The following ADGRG4 variants were observed in gnomAD, a reference collection of about 807,000 sequenced individuals.
The protein encoded by ADGRG4 is G protein-coupled receptor 112.
Under a neutral mutation model 126.2 loss-of-function variants are expected in ADGRG4, and 122 were observed. The observed-to-expected ratio is 0.97, with a 90% CI of 0.83 to 1.12. The LOEUF (loss-of-function observed/expected upper bound fraction) is 1.12, where lower values mean the gene tolerates loss of function less well. Ranked by LOEUF, ADGRG4 falls within the 50% of genes most tolerant of loss-of-function variation. The pLI is 0.00. For synonymous variants in ADGRG4, 943 were observed against 838.7 expected (o/e 1.12, Z -2.15); for missense variants, 2,481 against 2,251.8 (o/e 1.10, Z -2.06).
rs185039030 is a variant in ADGRG4, at chrX:136,367,501, T to C, written c.7397-3827T>C. On this transcript the variant is annotated intron_variant, in intron 13 of 25. Transcript: ENST00000394143. ...TGTGCAAGAAAAAGTTAATAAACAG[T>C]CATAACAACAACAAAAACACTGCAC... Among the ~76,000 whole-genome samples the C allele has an allele frequency of 9.7e-3, 1,091 of 112,162 alleles. 7 individuals are homozygous for C. Among genetic ancestry groups the C allele is most frequent in the Middle Eastern group, 0.023 (5 of 215 alleles).
chrX:136,366,757 G>A (rs2075161023), intron 13 of ADGRG4, among the ~76,000 whole-genome samples: 1 of 111,965 alleles, frequency 8.9e-6, no homozygotes, highest in African/African-American at 3.2e-5. Context: ...TCTCATTGTT[G>A]TTTTAATTTG....
chrX:136,392,258 C>T lies in ADGRG4; in HGVS notation c.7938C>T (p.Thr2646=), dbSNP rs144800387. 1,768 of 1,160,529 alleles carry T rather than the reference C, an allele frequency of 1.5e-3. 5 individuals carry two copies. The highest frequency in any genetic ancestry group is 3.7e-3 in the East Asian group (118 of 32,034). Residue 2646 remains threonine (T), a synonymous_variant, in exon 17 of 26, where the codon ACC becomes ACT. Coordinates refer to ENST00000394143, the MANE Select transcript of ADGRG4 (RefSeq NM_153834.4). ...FKTKNVTKAL[T]TYVVSASISD... ...CCAAAAATGTCACTAAAGCATTAACCACCTATGTTGTGAGTGCCAGCATTT... is the reference window on the plus strand; with the variant it reads ...CCAAAAATGTCACTAAAGCATTAACTACCTATGTTGTGAGTGCCAGCATTT...
At chrX:136,394,388 C>T (rs1054693852) in intron 18 of ADGRG4, among the ~76,000 whole-genome samples, 1 of 112,117 alleles carries the variant, frequency 8.9e-6, no homozygotes, top group Non-Finnish European at 1.9e-5. Flanking sequence ...AGTGAGGAGT[C>T]CTTCTGCCTG....
intron 4 of ADGRG4, among the ~76,000 whole-genome samples, chrX:136,320,593 C>T (rs769924042): frequency 9.0e-6 from 1 of 111,724 alleles, no homozygotes; most frequent in South Asian, 3.8e-4. Context: ...ATTGCTTTTT[C>T]CCATCTTTTG....
Position 136,348,973 on chromosome X carries a change from CAGATA to C in ADGRG4, c.5268_5272del (p.Asp1757SerfsTer15). The C allele has an allele frequency of 8.3e-7, 1 of 1,209,093 alleles. No individual in the cohort carries two copies. Among genetic ancestry groups the C allele is most frequent in the Non-Finnish European group, 1.1e-6 (1 of 893,482 alleles). On this transcript the variant is annotated frameshift_variant, in exon 6 of 26. Transcript: ENST00000394143. LOFTEE classifies it high-confidence loss of function. ...GAAAATATGCTTTCACCTACTCATGCAGATAGTCTCCATACTTCCTTCAATATTCA... is the reference window on the plus strand; with the variant it reads ...GAAAATATGCTTTCACCTACTCATGCGTCTCCATACTTCCTTCAATATTCA...
rs1364617864 is a variant in ADGRG4, at chrX:136,401,771, G to C, written c.8576-1473G>C. On this transcript the variant is annotated intron_variant, in intron 21 of 25. Coordinates refer to ENST00000394143, the MANE Select transcript of ADGRG4 (RefSeq NM_153834.4). ...TGAGGAGCTAGTTTTGAATGGAAGTGATACTGTTTCCTATTCTGCAGCCCT... is the reference window on the plus strand; with the variant it reads ...TGAGGAGCTAGTTTTGAATGGAAGTCATACTGTTTCCTATTCTGCAGCCCT... Among the ~76,000 whole-genome samples the C allele has an allele frequency of 4.5e-5, 5 of 112,142 alleles. No homozygotes were observed. The Admixed American group carries it at 4.7e-4, about 11-fold the overall frequency.
rs191670174 is a variant in ADGRG4 at position 136,320,914 on chromosome X, C to A, written c.71-1864C>A. ...AACCTGGGCAAGAGAGTGAGACCCC[C>A]CCTCTTAAAACAAAAAATCAAAAAC... On this transcript the variant is annotated intron_variant, in intron 4 of 25. Coordinates refer to ENST00000394143, the MANE Select transcript of ADGRG4 (RefSeq NM_153834.4). Among the ~76,000 whole-genome samples, 503 of 110,796 alleles carry A rather than the reference C, an allele frequency of 4.5e-3. 5 individuals are homozygous for A. The highest frequency in any genetic ancestry group is 0.015 in the African/African-American group (459 of 30,466).
Position 136,346,710 on chromosome X carries a change from G to A in ADGRG4, c.3004G>A (p.Ala1002Thr), listed in dbSNP as rs201360622. 8.3e-7 allele frequency: 1 copy of A among 1,208,479 alleles called. No individual in the cohort carries two copies. The highest frequency in any genetic ancestry group is 2.2e-5 in the Admixed American group (1 of 45,709). Residue 1002 changes from alanine (A) to threonine (T), a missense_variant, in exon 6 of 26, where the codon GCT becomes ACT. Coordinates refer to ENST00000394143, the MANE Select transcript of ADGRG4 (RefSeq NM_153834.4). Reference protein sequence around the residue: ...DGILPPQPTAAHSSATPVPVT... With the variant: ...DGILPPQPTATHSSATPVPVT... Reference sequence around the variant, plus strand: ...TATCTTACCTCCACAGCCTACAGCTGCTCATTCCTCAGCAACCCCTGTGCC... The same window carrying A: ...TATCTTACCTCCACAGCCTACAGCTACTCATTCCTCAGCAACCCCTGTGCC...
At chrX:136,374,881 TTTTC>T (rs2075216270) in intron 15 of ADGRG4, among the ~76,000 whole-genome samples, 3 of 111,641 alleles carry the variant, frequency 2.7e-5, no homozygotes, top group Admixed American at 1.9e-4. Flanking sequence ...AATGGGGTAG[TTTTC>T]TTTCTTTATT....
intron 6 of ADGRG4, 152 bp downstream of exon 6, chrX:136,350,585 T>C (rs1290648835): frequency 2.1e-6 from 1 of 468,603 alleles, no homozygotes; most frequent in African/African-American, 2.4e-5. Context: ...GTACAGTGAG[T>C]ACCTTGTCCA....
chrX:136,409,392 G>T (rs181202739), intron 23 of ADGRG4, among the ~76,000 whole-genome samples: 6 of 111,561 alleles, frequency 5.4e-5, no homozygotes, highest in African/African-American at 2.0e-4. Context: ...CAGTTCATTG[G>T]AATTCACAGA....
At chrX:136,388,908 G>A (rs2075305381) in intron 16 of ADGRG4, among the ~76,000 whole-genome samples, 1 of 112,298 alleles carries the variant, frequency 8.9e-6, no homozygotes, top group Non-Finnish European at 1.9e-5. Context: ...TGTATTTAAA[G>A]TCAATACAAT....
intron 12 of ADGRG4, 89 bp downstream of exon 12, chrX:136,361,676 T>A (rs776559538): frequency 2.9e-6 from 2 of 679,508 alleles, no homozygotes; most frequent in Non-Finnish European, 4.2e-6. Context: ...TGTCTGAGCA[T>A]GCTCCCTTCC....
intron 6 of ADGRG4, among the ~76,000 whole-genome samples, chrX:136,351,015 G>T (rs928269559): frequency 9.0e-6 from 1 of 111,282 alleles, no homozygotes. Context: ...AAATTTGATA[G>T]GATACACAAG....
At chrX:136,352,260 TA>T (rs749815143) in intron 7 of ADGRG4, among the ~76,000 whole-genome samples, 20 of 112,009 alleles carry the variant, frequency 1.8e-4, no homozygotes, top group Non-Finnish European at 1.9e-5. Context: ...CTGGTAAATA[TA>T]AATCATACAC....
At chrX:136,308,728 G>A (rs2074749461) in intron 3 of ADGRG4, 41 bp from the exon 4 acceptor site, 1 of 721,075 alleles carries the variant, frequency 1.4e-6, no homozygotes, top group Non-Finnish European at 2.2e-6. Flanking sequence ...TGTATTTTCT[G>A]AATATCTGAG....
rs949284670 is a variant in ADGRG4 at position 136,342,263 on chromosome X, A to G, written c.686-2129A>G. On this transcript the variant is annotated intron_variant, in intron 5 of 25. Transcript: ENST00000394143. The stretch of plus-strand genomic sequence containing the variant: ...TGTCAATTCTTACTTTCCAGTAGAT[A>G]TAGGGATAGGAATCTTCACACTGCT... Among the ~76,000 whole-genome samples, 2 of 111,904 alleles carry G rather than the reference A, an allele frequency of 1.8e-5. 1 individual carries two copies. The highest frequency in any genetic ancestry group is 9.1e-3 in the Middle Eastern group (2 of 219).
At chrX:136,321,975 T>C (rs992853055) in intron 4 of ADGRG4, among the ~76,000 whole-genome samples, 1 of 112,067 alleles carries the variant, frequency 8.9e-6, no homozygotes, top group African/African-American at 3.2e-5. Flanking sequence ...TCCATTTTAC[T>C]GAAGCAAACA....
chrX:136,393,623 T>C, intron 18 of ADGRG4, 43 bp downstream of exon 18: 1 of 1,046,886 alleles, frequency 9.6e-7, no homozygotes, highest in Non-Finnish European at 1.3e-6. Context: ...CCCAGACCAT[T>C]TTCCCACTTG....
Sources: allele counts gnomAD v4.1 joint callset (sites outside exome capture counted in the v4.1 genomes callset), GRCh38; gene constraint gnomAD v4.1.1; transcripts MANE v1.5; gene names NCBI Gene and HGNC (gene_info 2026-07-23, HGNC 2026-07-21).